Variants in FBXL7 observed in about 807,000 individuals in gnomAD.
The protein encoded by FBXL7 is F-box/LRR-repeat protein 7.
FBXL7 carries 12 observed loss-of-function variants against 38.3 expected under a neutral mutation model. The observed-to-expected ratio is 0.31, with a 90% CI of 0.20 to 0.51. FBXL7 has a LOEUF of 0.51. Ranked by LOEUF, FBXL7 falls within the 20% of genes least tolerant of loss-of-function variation. The pLI is 0.98. For synonymous variants in FBXL7, 297 were observed against 300.9 expected (o/e 0.99, Z 0.13); for missense variants, 567 against 676.4 (o/e 0.84, Z 1.79).
intron 2 of FBXL7, among the ~76,000 whole-genome samples, chr5:15,863,726 A>T (rs1164274791): frequency 6.6e-6 from 1 of 152,146 alleles, no homozygotes; most frequent in Non-Finnish European, 1.5e-5. Flanking sequence ...TCTTTTGGTG[A>T]TGAGTGAGTT....
intron 2 of FBXL7, among the ~76,000 whole-genome samples, chr5:15,830,462 C>A (rs780472633): frequency 2.0e-4 from 29 of 143,762 alleles, no homozygotes; most frequent in Non-Finnish European, 3.9e-4. Context: ...CTAGCCTGGG[C>A]GACAGAGTGA....
chr5:15,575,240 G>C (rs1738920314), intron 1 of FBXL7, among the ~76,000 whole-genome samples: 1 of 151,032 alleles, frequency 6.6e-6, no homozygotes. Context: ...GAGTAGTCCA[G>C]GTTTGTCTTT....
At chr5:15,571,677 C>T in intron 1 of FBXL7, among the ~76,000 whole-genome samples, 1 of 152,046 alleles carries the variant, frequency 6.6e-6, no homozygotes, top group Non-Finnish European at 1.5e-5. Flanking sequence ...GTGGGTGGGT[C>T]TGGAGTTGCC....
intron 1 of FBXL7, among the ~76,000 whole-genome samples, chr5:15,527,186 G>T (rs1737273532): frequency 6.6e-6 from 1 of 152,172 alleles, no homozygotes; most frequent in African/African-American, 2.4e-5. Context: ...TTAACTAAAT[G>T]TAAAGTGAGA....
intron 2 of FBXL7, among the ~76,000 whole-genome samples, chr5:15,651,432 T>C (rs1268784029): frequency 6.6e-6 from 1 of 152,132 alleles, no homozygotes; most frequent in Non-Finnish European, 1.5e-5. Flanking sequence ...TCAAAATTAT[T>C]TCTTGATTAG....
chr5:15,766,550 T>C (rs1174538884), intron 2 of FBXL7, among the ~76,000 whole-genome samples: 1 of 152,210 alleles, frequency 6.6e-6, no homozygotes, highest in Non-Finnish European at 1.5e-5. Context: ...GAGCCAGATC[T>C]AATATTTAAA....
chr5:15,836,514 A>G (rs1166743871), intron 2 of FBXL7, among the ~76,000 whole-genome samples: 2 of 152,192 alleles, frequency 1.3e-5, no homozygotes, highest in African/African-American at 4.8e-5. Flanking sequence ...GTTGGAATAA[A>G]GATTTGCATG....
At position 15,936,502 on chromosome 5, in the gene FBXL7, G is replaced by A. The variant is rs576217444; in HGVS notation, c.792G>A (p.Leu264=). 10 of 1,613,512 alleles carry A rather than the reference G, an allele frequency of 6.2e-6. No homozygotes were observed. The East Asian group carries it at 6.7e-5, about 11-fold the overall frequency. The change falls in exon 4 of 4, where the codon CTG becomes CTA. Residue 264 remains leucine, a synonymous_variant. Coordinates refer to ENST00000504595, the MANE Select transcript of FBXL7 (RefSeq NM_012304.5). The surrounding 1 kb of genome is among the most constrained non-coding windows in gnomAD (Gnocchi z 6.0). Reference sequence around the variant, plus strand: ...TGACCCGGGAGGCCTCCATTAAACTGTCACCCTTGCATGGCAAACAGATTT... The same window carrying A: ...TGACCCGGGAGGCCTCCATTAAACTATCACCCTTGCATGGCAAACAGATTT... The part of the protein sequence containing the change: ...ISLTREASIK[L]SPLHGKQISI...
At chr5:15,874,636 C>T (rs764165628) in intron 2 of FBXL7, among the ~76,000 whole-genome samples, 4 of 151,450 alleles carry the variant, frequency 2.6e-5, no homozygotes, top group Non-Finnish European at 5.9e-5. Flanking sequence ...GACAAACAGC[C>T]AAATCATGAG....
chr5:15,718,885 A>ATT (rs1329468409), intron 2 of FBXL7, among the ~76,000 whole-genome samples: 5 of 152,230 alleles, frequency 3.3e-5, no homozygotes, highest in Non-Finnish European at 5.9e-5. Context: ...AACCCCTTTT[A>ATT]TTTGTGGCCT....
chr5:15,717,898 C>T (rs1240456707), intron 2 of FBXL7, among the ~76,000 whole-genome samples: 1 of 151,978 alleles, frequency 6.6e-6, no homozygotes, highest in Non-Finnish European at 1.5e-5. Context: ...AGCAAAAATT[C>T]CCAGCTTTAT....
intron 2 of FBXL7, among the ~76,000 whole-genome samples, chr5:15,710,303 C>T (rs1436817420): frequency 2.0e-5 from 3 of 152,274 alleles, no homozygotes; most frequent in African/African-American, 7.2e-5. Flanking sequence ...ACACTCTGCT[C>T]CTTCCACTGT....
At chr5:15,798,815 G>T (rs1026705916) in intron 2 of FBXL7, among the ~76,000 whole-genome samples, 1 of 152,142 alleles carries the variant, frequency 6.6e-6, no homozygotes, top group African/African-American at 2.4e-5. Context: ...CTGAGAGAAT[G>T]TGGTCGTCAT....
Position 15,905,528 on chromosome 5 carries a change from T to G in FBXL7, c.128-22362T>G, listed in dbSNP as rs553634625. On this transcript the variant is annotated intron_variant, in intron 2 of 3. Transcript: ENST00000504595. ...ATTAATATGGAAAAATGGTGTTGTTTTTTTTTTTGTATCTTCAGTCCTCTT... is the reference window on the plus strand; with the variant it reads ...ATTAATATGGAAAAATGGTGTTGTTGTTTTTTTTGTATCTTCAGTCCTCTT... 1.2e-3 allele frequency among the ~76,000 whole-genome samples: 189 copies of G among 152,184 alleles called. 1 individual carries two copies. The highest frequency in any genetic ancestry group is 3.1e-3 in the East Asian group (16 of 5,188).
intron 2 of FBXL7, among the ~76,000 whole-genome samples, chr5:15,791,280 G>A (rs192726451): frequency 6.6e-6 from 1 of 152,244 alleles, no homozygotes; most frequent in African/African-American, 2.4e-5. Context: ...ATAAACCTAT[G>A]ACAGAACCTA....
rs867663 is a variant in FBXL7, at chr5:15,769,373, A to G, written c.127+153301A>G. Among the ~76,000 whole-genome samples, 1,489 of 152,320 alleles carry G rather than the reference A, an allele frequency of 9.8e-3. 20 individuals are homozygous for G. The highest frequency in any genetic ancestry group is 0.034 in the African/African-American group (1,420 of 41,572). On this transcript the variant is annotated intron_variant, in intron 2 of 3. Transcript: ENST00000504595. The stretch of plus-strand genomic sequence containing the variant: ...TGTGTTGTGGGCAGGAAAATCCTCC[A>G]TAGGAGAAATCTAGCATTACCCAGG...
chr5:15,668,981 G>A (rs1038004980), intron 2 of FBXL7, among the ~76,000 whole-genome samples: 2 of 152,288 alleles, frequency 1.3e-5, no homozygotes, highest in East Asian at 1.9e-4. Flanking sequence ...CATATACAAT[G>A]CTTAGAGTGA....
intron 2 of FBXL7, among the ~76,000 whole-genome samples, chr5:15,733,896 C>T (rs1417340687): frequency 6.6e-6 from 1 of 152,150 alleles, no homozygotes; most frequent in African/African-American, 2.4e-5. Flanking sequence ...TTCACAAGGT[C>T]AGGAGTTCAA....
chr5:15,825,952 C>T (rs1018550251), intron 2 of FBXL7, among the ~76,000 whole-genome samples: 1 of 152,134 alleles, frequency 6.6e-6, no homozygotes, highest in African/African-American at 2.4e-5. Context: ...ACCGGGCTAG[C>T]GCTCATTGCC....
Sources: allele counts gnomAD v4.1 joint callset (sites outside exome capture counted in the v4.1 genomes callset), GRCh38; gene constraint gnomAD v4.1.1; non-coding constraint Gnocchi (gnomAD v3.1); transcripts MANE v1.5; gene names NCBI Gene and HGNC (gene_info 2026-07-23, HGNC 2026-07-21).